The following ADK variants were observed in gnomAD, a reference collection of about 807,000 sequenced individuals.
ADK encodes the protein N6,N6-dimethyladenosine kinase.
ADK carries 24 observed loss-of-function variants against 44.7 expected under a neutral mutation model. The observed-to-expected ratio is 0.54, with a 90% CI of 0.39 to 0.76. The LOEUF (loss-of-function observed/expected upper bound fraction) is 0.76, where lower values mean the gene tolerates loss of function less well. Among genes scored for constraint, ADK ranks in the 30% least tolerant of loss-of-function variants. The probability of loss-of-function intolerance (pLI) is 0.00; values close to 1 mark genes in which losing one functional copy is unlikely to be tolerated. For synonymous variants in ADK, 128 were observed against 142.6 expected (o/e 0.90, Z 0.73); for missense variants, 321 against 425.1 (o/e 0.76, Z 2.15).
intron 9 of ADK, among the ~76,000 whole-genome samples, chr10:74,602,294 C>G (rs1273381328): frequency 4.6e-5 from 7 of 152,086 alleles, no homozygotes; most frequent in African/African-American, 1.7e-4. Flanking sequence ...GAATTGCTTT[C>G]TTCCTATAGT....
At chr10:74,478,530 A>T (rs1242112336) in intron 6 of ADK, among the ~76,000 whole-genome samples, 1 of 152,186 alleles carries the variant, frequency 6.6e-6, no homozygotes, top group Non-Finnish European at 1.5e-5. Context: ...GCAATTCTTT[A>T]AATGATACTT....
intron 9 of ADK, chr10:74,656,042 T>C: frequency 5.6e-6 from 3 of 532,716 alleles, no homozygotes; most frequent in Non-Finnish European, 1.1e-5. Flanking sequence ...TTGGAGAGAG[T>C]AGGACTGGGG....
At chr10:74,168,443 G>T (rs1255361545) in intron 1 of ADK, among the ~76,000 whole-genome samples, 1 of 150,540 alleles carries the variant, frequency 6.6e-6, no homozygotes, top group African/African-American at 2.4e-5. Context: ...GGAGCCTGAG[G>T]CAGGAGAATG....
intron 6 of ADK, among the ~76,000 whole-genome samples, chr10:74,458,823 C>T (rs1846054094): frequency 6.6e-6 from 1 of 152,104 alleles, no homozygotes. Flanking sequence ...CACCTAGTAG[C>T]TCTTCCCTTA....
chr10:74,379,552 T>G (rs1353750387), intron 4 of ADK, among the ~76,000 whole-genome samples: 1 of 152,230 alleles, frequency 6.6e-6, no homozygotes, highest in African/African-American at 2.4e-5. Flanking sequence ...CATATTTTTC[T>G]AACCGTTTTC....
chr10:74,197,979 T>C (rs559874109), intron 1 of ADK, among the ~76,000 whole-genome samples: 14 of 152,300 alleles, frequency 9.2e-5, no homozygotes, highest in African/African-American at 3.4e-4. Context: ...TTTGTTGTTA[T>C]TGTGATGAAA....
At chr10:74,629,151 T>C (rs1853324508) in intron 9 of ADK, among the ~76,000 whole-genome samples, 1 of 151,978 alleles carries the variant, frequency 6.6e-6, no homozygotes, top group African/African-American at 2.4e-5. Flanking sequence ...TGCCTCAGCC[T>C]CCCATATAGC....
At chr10:74,188,086 C>T (rs978256323) in intron 1 of ADK, among the ~76,000 whole-genome samples, 1 of 152,158 alleles carries the variant, frequency 6.6e-6, no homozygotes, top group Non-Finnish European at 1.5e-5. Flanking sequence ...TCAGGTTCTT[C>T]ACTTTTTCCT....
chr10:74,308,517 T>A (rs1211328129), intron 3 of ADK, among the ~76,000 whole-genome samples: 1 of 152,170 alleles, frequency 6.6e-6, no homozygotes, highest in East Asian at 1.9e-4. Flanking sequence ...ACAATTTGCC[T>A]GTCGATTCCC....
intron 4 of ADK, among the ~76,000 whole-genome samples, chr10:74,353,063 G>A (rs568686048): frequency 3.3e-4 from 50 of 152,194 alleles, no homozygotes; most frequent in African/African-American, 1.1e-3. Flanking sequence ...CCCATTACTG[G>A]GTATGTACCC....
intron 6 of ADK, among the ~76,000 whole-genome samples, chr10:74,419,672 T>C (rs958241556): frequency 6.6e-6 from 1 of 152,192 alleles, no homozygotes; most frequent in African/African-American, 2.4e-5. Context: ...ACCCTTGGGC[T>C]ACCAAGATAC....
At chr10:74,331,950 T>TTCA (rs1473704478) in intron 4 of ADK, among the ~76,000 whole-genome samples, 2 of 152,194 alleles carry the variant, frequency 1.3e-5, no homozygotes, top group Non-Finnish European at 2.9e-5. Context: ...GCCTTCTGGG[T>TTCA]TCAAGGAATC....
At chr10:74,282,915 A>C (rs1023911371) in intron 3 of ADK, among the ~76,000 whole-genome samples, 1 of 152,216 alleles carries the variant, frequency 6.6e-6, no homozygotes, top group Non-Finnish European at 1.5e-5. Flanking sequence ...ACTGTCAAGA[A>C]TCTATTGAAA....
chr10:74,600,640 A>G (rs948352385), intron 9 of ADK, 147 bp downstream of exon 9: 2 of 267,346 alleles, frequency 7.5e-6, no homozygotes, highest in African/African-American at 2.3e-5. Context: ...AAATATTTCT[A>G]CCCTGTATCT....
At chr10:74,414,299 A>G (rs1199010942) in intron 6 of ADK, among the ~76,000 whole-genome samples, 1 of 152,232 alleles carries the variant, frequency 6.6e-6, no homozygotes, top group Non-Finnish European at 1.5e-5. Context: ...ATTTCTTACC[A>G]TTAGTGTTAG....
At chr10:74,422,995 C>T (rs2133038756) in intron 6 of ADK, among the ~76,000 whole-genome samples, 1 of 152,236 alleles carries the variant, frequency 6.6e-6, no homozygotes, top group Middle Eastern at 3.4e-3. Context: ...TGCTCATCAC[C>T]TGAACCCAAG....
In ADK at chr10:74,477,968, T is replaced by G. The variant is rs563513499; in HGVS notation, c.556-47288T>G. On this transcript the variant is annotated intron_variant, in intron 6 of 10. Coordinates refer to ENST00000539909, the MANE Select transcript of ADK (RefSeq NM_006721.4). ...CCCAAATTATTTTATGTTCTAAATT[T>G]TGTCTCTTCATTTATACTTACATGG... Among the ~76,000 whole-genome samples, 7 of 152,366 alleles carry G rather than the reference T, an allele frequency of 4.6e-5. No individual in the cohort carries two copies. The East Asian group carries it at 1.2e-3, about 25-fold the overall frequency.
At chr10:74,647,767 A>G (rs1285463891) in intron 9 of ADK, among the ~76,000 whole-genome samples, 4 of 152,188 alleles carry the variant, frequency 2.6e-5, no homozygotes, top group Non-Finnish European at 5.9e-5. Context: ...ACTACAAATT[A>G]ATGTTCCATA....
chr10:74,294,309 GAA>G (rs1362956734), intron 3 of ADK, among the ~76,000 whole-genome samples: 1 of 146,610 alleles, frequency 6.8e-6, no homozygotes, highest in Admixed American at 6.8e-5. Flanking sequence ...TTTTTGAGAT[GAA>G]GTCTTGCTCT....
Sources: gnomAD v4.1 joint callset for allele counts (sites outside exome capture counted in the v4.1 genomes callset) on GRCh38, gnomAD v4.1.1 for gene constraint, MANE v1.5 for transcripts, NCBI Gene and HGNC (gene_info 2026-07-23, HGNC 2026-07-21) for gene names.